GABRG3: variants seen among roughly 807,000 people sequenced by gnomAD.
GABRG3 encodes gamma-aminobutyric acid type A receptor subunit gamma3, also known as gamma-aminobutyric acid receptor subunit gamma-3.
Under a neutral mutation model 48.8 loss-of-function variants are expected in GABRG3, and 25 were observed. The ratio of observed to expected loss-of-function variants is 0.51; its 90% confidence interval spans 0.37 to 0.72. The LOEUF is 0.72. Among genes scored for constraint, GABRG3 ranks in the 30% least tolerant of loss-of-function variants. The probability of loss-of-function intolerance (pLI) is 0.00; values close to 1 mark genes in which losing one functional copy is unlikely to be tolerated. For missense variants in GABRG3, 394 were observed against 577.9 expected (o/e 0.68, Z 3.26); for synonymous variants, 227 against 217.6 (o/e 1.04, Z -0.38).
Position 27,236,583 on chromosome 15 carries a change from T to C in GABRG3, c.271-90226T>C, listed in dbSNP as rs1889973385. 6.6e-6 allele frequency among the ~76,000 whole-genome samples: 1 copy of C among 152,186 alleles called. No individual in the cohort carries two copies. Among genetic ancestry groups the C allele is most frequent in the Non-Finnish European group, 1.5e-5 (1 of 68,026 alleles). ...CAGTCACCTGAGGCCAGGATCAGAC[T>C]CCGCCTCCCTCTTTACAGCCTCAGC... On this transcript the variant is annotated intron_variant, in intron 3 of 9. Transcript: ENST00000615808. This position sits in a 1 kb window ranked among gnomAD's most constrained non-coding sequence, Gnocchi z 4.4.
intron 2 of GABRG3, among the ~76,000 whole-genome samples, chr15:27,005,337 ACTACAGGAGCAGGC>A (rs1895563952): frequency 6.6e-6 from 1 of 152,090 alleles, no homozygotes; most frequent in Non-Finnish European, 1.5e-5. Context: ...AGTAGCTGGG[ACTACAGGAGCAGGC>A]CACCACGCCC....
chr15:27,308,013 T>C (rs1189042446), intron 3 of GABRG3, among the ~76,000 whole-genome samples: 2 of 139,476 alleles, frequency 1.4e-5, no homozygotes, highest in African/African-American at 2.6e-5. Context: ...AATAAACGTA[T>C]ATATAAAATA....
At chr15:27,419,531 C>T (rs1196181056) in intron 5 of GABRG3, among the ~76,000 whole-genome samples, 2 of 152,132 alleles carry the variant, frequency 1.3e-5, no homozygotes, top group Non-Finnish European at 2.9e-5. Context: ...ATACAAGTTG[C>T]TGTTACCAAA....
chr15:27,168,702 G>T (rs1200599561), intron 3 of GABRG3, among the ~76,000 whole-genome samples: 1 of 152,194 alleles, frequency 6.6e-6, no homozygotes, highest in Non-Finnish European at 1.5e-5. Flanking sequence ...CTTCCACTGT[G>T]TGGGGACACA....
chr15:27,091,311 A>G (rs1897180941), intron 3 of GABRG3, among the ~76,000 whole-genome samples: 1 of 152,054 alleles, frequency 6.6e-6, no homozygotes, highest in Admixed American at 6.6e-5. Context: ...TGACTGTTGC[A>G]TTTCTGGGAT....
intron 3 of GABRG3, among the ~76,000 whole-genome samples, chr15:27,063,627 G>A (rs943365018): frequency 4.6e-5 from 7 of 152,254 alleles, no homozygotes; most frequent in African/African-American, 1.4e-4. Context: ...CTGCAGAACT[G>A]TGAGCAGTTA....
Position 27,540,957 on chromosome 15 carries a change from G to C in GABRG3, c.*8076G>C, listed in dbSNP as rs531362504. On this transcript the variant is annotated 3_prime_UTR_variant, in exon 10 of 10. Coordinates refer to ENST00000615808, the MANE Select transcript of GABRG3 (RefSeq NM_033223.5). ...AGGAGCGCAGTTTTCTAGCGATAGCGTATTAGCACTAAGCCTCTGGTTAGG... is the reference window on the plus strand; with the variant it reads ...AGGAGCGCAGTTTTCTAGCGATAGCCTATTAGCACTAAGCCTCTGGTTAGG... 3.3e-5 allele frequency: 5 copies of C among 152,146 alleles called. No individual in the cohort carries two copies. Among genetic ancestry groups the C allele is most frequent in the African/African-American group, 9.7e-5 (4 of 41,352 alleles). 9.4% of individuals were successfully genotyped at this position (152,146 alleles called of 1,614,324 possible). A position where few individuals can be genotyped will look rare whatever the true frequency, so the allele number is the denominator to read the frequency against.
Position 27,532,963 on chromosome 15 carries a change from G to A in GABRG3, c.*82G>A, listed in dbSNP as rs1891465222. 2 of 1,340,324 alleles carry A rather than the reference G, an allele frequency of 1.5e-6. No homozygotes were observed. The highest frequency in any genetic ancestry group is 4.7e-5 in the East Asian group (2 of 42,666). 83.0% of individuals were successfully genotyped at this position (1,340,324 alleles called of 1,614,324 possible). A position where few individuals can be genotyped will look rare whatever the true frequency, so the allele number is the denominator to read the frequency against. The stretch of plus-strand genomic sequence containing the variant: ...CCCCAGACCAGTAGTGACCAATCGG[G>A]AGTAGCAAGGAAGGACACTGCCCAG... On this transcript the variant is annotated 3_prime_UTR_variant, in exon 10 of 10. Coordinates refer to ENST00000615808, the MANE Select transcript of GABRG3 (RefSeq NM_033223.5).
chr15:27,181,969 A>T (rs966516884), intron 3 of GABRG3, among the ~76,000 whole-genome samples: 5 of 149,514 alleles, frequency 3.3e-5, no homozygotes, highest in Non-Finnish European at 4.4e-5. Context: ...TTCTACTATG[A>T]TATGCTATAT....
In GABRG3 at chr15:27,236,024, T is replaced by C. The variant is rs939900853; in HGVS notation, c.271-90785T>C. On this transcript the variant is annotated intron_variant, in intron 3 of 9. Transcript: ENST00000615808. The surrounding 1 kb of genome is among the most constrained non-coding windows in gnomAD (Gnocchi z 4.4). ...ATCACTTTGCAGAGCTTCTTCTGAG[T>C]CTGCAGTTGCTCAAAATAATCCTTA... Among the ~76,000 whole-genome samples, 1 of 152,178 alleles carries C rather than the reference T, an allele frequency of 6.6e-6. No homozygotes were observed. The highest frequency in any genetic ancestry group is 2.4e-5 in the African/African-American group (1 of 41,448).
intron 6 of GABRG3, among the ~76,000 whole-genome samples, chr15:27,485,223 T>C (rs985081673): frequency 6.6e-6 from 1 of 152,190 alleles, no homozygotes; most frequent in Middle Eastern, 3.2e-3. Flanking sequence ...AGAAGGTGGC[T>C]ATGGAAAGTT....
chr15:27,431,622 C>T (rs1343983873), intron 5 of GABRG3, among the ~76,000 whole-genome samples: 1 of 152,166 alleles, frequency 6.6e-6, no homozygotes, highest in Non-Finnish European at 1.5e-5. Context: ...TTCCGTTTTG[C>T]ACCATTCCAT....
At chr15:27,365,089 T>C (rs945422262) in intron 5 of GABRG3, 3 of 152,214 alleles carry the variant, frequency 2.0e-5, no homozygotes, top group African/African-American at 7.2e-5. Flanking sequence ...TTGTTCTTGC[T>C]GATCCATTTG....
chr15:27,472,021 T>G (rs566069269), intron 5 of GABRG3, among the ~76,000 whole-genome samples: 1 of 152,216 alleles, frequency 6.6e-6, no homozygotes. Context: ...ATGTAATTCA[T>G]AATTAAACTT....
intron 3 of GABRG3, among the ~76,000 whole-genome samples, chr15:27,147,941 G>A (rs572111283): frequency 6.6e-6 from 1 of 151,172 alleles, no homozygotes; most frequent in East Asian, 1.9e-4. Flanking sequence ...TCCAAAGCAA[G>A]CAGAAAAAAG....
At chr15:27,147,876 CA>C (rs1898238528) in intron 3 of GABRG3, among the ~76,000 whole-genome samples, 1 of 151,422 alleles carries the variant, frequency 6.6e-6, no homozygotes, top group African/African-American at 2.4e-5. Context: ...AGTGAGATTT[CA>C]AATAAATAAC....
At chr15:27,478,104 T>C (rs1890002916) in intron 5 of GABRG3, among the ~76,000 whole-genome samples, 3 of 151,300 alleles carry the variant, frequency 2.0e-5, no homozygotes, top group Non-Finnish European at 4.4e-5. Flanking sequence ...GGATGCGCCA[T>C]TGCGAATGTA....
chr15:27,051,814 A>AGTG (rs1414799255), intron 3 of GABRG3, among the ~76,000 whole-genome samples: 1 of 152,218 alleles, frequency 6.6e-6, no homozygotes, highest in Non-Finnish European at 1.5e-5. Context: ...ATGTAGAATC[A>AGTG]GTGGAGCCCT....
intron 5 of GABRG3, among the ~76,000 whole-genome samples, chr15:27,350,767 G>A (rs185565334): frequency 8.5e-4 from 130 of 152,308 alleles, no homozygotes; most frequent in African/African-American, 3.1e-3. Context: ...CCTGGCACTG[G>A]CCTGGGGCGA....
Sources: gnomAD v4.1 joint callset for allele counts (sites outside exome capture counted in the v4.1 genomes callset) on GRCh38, gnomAD v4.1.1 for gene constraint, Gnocchi (gnomAD v3.1) non-coding constraint, MANE v1.5 for transcripts, NCBI Gene and HGNC (gene_info 2026-07-23, HGNC 2026-07-21) for gene names.